Variants in SANBR observed in about 807,000 individuals in gnomAD.
SANBR encodes SANT and BTB domain regulator of class switch recombination.
A neutral mutation model predicts 101.8 loss-of-function variants in SANBR; 77 were observed. That is an observed-to-expected ratio of 0.76 (90% CI 0.63 to 0.91). The LOEUF is 0.91. Among genes scored for constraint, SANBR ranks in the 40% least tolerant of loss-of-function variants. SANBR has a pLI of 0.00. For synonymous variants in SANBR, 279 were observed against 274.7 expected (o/e 1.02, Z -0.15); for missense variants, 875 against 853.0 (o/e 1.03, Z -0.32).
Position 61,088,373 on chromosome 2 carries a change from G to C in SANBR, c.993G>C (p.Lys331Asn). ...AATLYRCCLC[K>N]KLLTKETERR... is the part of the protein sequence containing the mutation. ...TTGTTTATAGATGCTGTTTGTGTAA[G>C]AAACTTTTAACAAAAGAAACAGAAA... The change falls in exon 10 of 22, where the codon AAG (lysine) becomes AAC (asparagine). Residue 331 changes from lysine (K) to asparagine (N), a missense_variant. By Grantham distance (94) the Lys-to-Asn change is moderately conservative. Transcript: ENST00000402291. 1 of 1,592,148 alleles carries C rather than the reference G, an allele frequency of 6.3e-7. No individual in the cohort carries two copies. The highest frequency in any genetic ancestry group is 8.5e-7 in the Non-Finnish European group (1 of 1,170,876).
At chr2:61,121,036 A>G (rs1684310757) in intron 20 of SANBR, 149 bp from the exon 21 acceptor site, 4 of 569,208 alleles carry the variant, frequency 7.0e-6, no homozygotes, top group Non-Finnish European at 1.2e-5. Context: ...AAAATGGTAC[A>G]TTTTTCTTTA....
At chr2:61,117,215 A>G (rs1009916597) in intron 17 of SANBR, 142 bp from the exon 18 acceptor site, 14 of 758,586 alleles carry the variant, frequency 1.8e-5, no homozygotes, top group Non-Finnish European at 2.3e-5. Context: ...GGTTGGTGCA[A>G]GGTTTAAATG....
At position 61,122,315 on chromosome 2, in the gene SANBR, AGTTAG is replaced by A; in HGVS notation, c.*157_*161del. 2 of 1,235,100 alleles carry A rather than the reference AGTTAG, an allele frequency of 1.6e-6. No homozygotes were observed. Among genetic ancestry groups the A allele is most frequent in the Non-Finnish European group, 2.1e-6 (2 of 952,188 alleles). The allele number at this position is 1,235,100 out of a possible 1,614,324, so 76.5% of individuals were successfully genotyped here. ...AATCATAATTCTAAAAGAAATGCAT[AGTTAG>A]GTTTTATGAAAATCTAATTGTAAAT... is the stretch of plus-strand genomic sequence containing the variant. On this transcript the variant is annotated 3_prime_UTR_variant, in exon 22 of 22. Transcript: ENST00000402291.
rs77495029 is a variant in SANBR, at chr2:61,134,587, A to G, written c.*44+311A>G. Among the ~76,000 whole-genome samples, 366 of 152,282 alleles carry G rather than the reference A, an allele frequency of 2.4e-3. 8 individuals carry two copies. In the East Asian group the frequency reaches 0.027, roughly 11 times the overall value. Reference sequence around the variant, plus strand: ...TTTCTGTGACCAGCTCTTCTGCTCTATTAGAAATATTAGAAATATATTGTT... The same window carrying G: ...TTTCTGTGACCAGCTCTTCTGCTCTGTTAGAAATATTAGAAATATATTGTT... On this transcript the variant is annotated intron_variant, in intron 21 of 21. Transcript: ENST00000295031.
intron 7 of SANBR, among the ~76,000 whole-genome samples, chr2:61,081,997 CTT>C (rs1234191721): frequency 6.6e-6 from 1 of 151,984 alleles, no homozygotes; most frequent in African/African-American, 2.4e-5. Context: ...TTATTTGACT[CTT>C]TGGGGTTTGT....
chr2:61,100,926 A>G (rs1419686345), intron 12 of SANBR, among the ~76,000 whole-genome samples: 2 of 152,158 alleles, frequency 1.3e-5, no homozygotes, highest in Admixed American at 6.5e-5. Context: ...GAAGATGGGT[A>G]GTTGAGTTTA....
chr2:61,106,042 A>T (rs1034679593), intron 13 of SANBR, among the ~76,000 whole-genome samples: 1 of 152,140 alleles, frequency 6.6e-6, no homozygotes, highest in African/African-American at 2.4e-5. Flanking sequence ...CGTCAAGTAC[A>T]ATGGTGCTTG....
At chr2:61,102,163 A>G (rs1371789789) in intron 12 of SANBR, among the ~76,000 whole-genome samples, 1 of 151,818 alleles carries the variant, frequency 6.6e-6, no homozygotes, top group South Asian at 2.1e-4. Flanking sequence ...CATGAGGTCA[A>G]GAGATCGAGA....
intron 12 of SANBR, among the ~76,000 whole-genome samples, chr2:61,098,589 C>G (rs1354101829): frequency 6.6e-6 from 1 of 152,158 alleles, no homozygotes; most frequent in Non-Finnish European, 1.5e-5. Context: ...TAGGTGGTTT[C>G]TAGACTGATG....
chr2:61,078,489 T>G (rs1029751896), intron 6 of SANBR, among the ~76,000 whole-genome samples: 1 of 151,988 alleles, frequency 6.6e-6, no homozygotes, highest in Admixed American at 6.6e-5. Flanking sequence ...CGGTGCAATC[T>G]CAGCTCACTG....
At chr2:61,130,024 A>T (rs1684637667) in intron 20 of SANBR, among the ~76,000 whole-genome samples, 1 of 152,082 alleles carries the variant, frequency 6.6e-6, no homozygotes, top group East Asian at 1.9e-4. Context: ...ATCTCTTTGG[A>T]ATTTATTATA....
exon 22 of SANBR, chr2:61,137,537 G>A (rs1252723414): frequency 2.6e-5 from 4 of 152,268 alleles, no homozygotes; most frequent in Non-Finnish European, 2.9e-5. Context: ...GGTGATTTCA[G>A]AGTTGGAGCA....
chr2:61,134,404 G>C, intron 21 of SANBR: 1 of 877,216 alleles, frequency 1.1e-6, no homozygotes, highest in Non-Finnish European at 1.7e-6. Flanking sequence ...GTTGCCTTTT[G>C]TTTGCTGCCT....
chr2:61,093,714 G>T (rs1320090827), intron 11 of SANBR, among the ~76,000 whole-genome samples: 1 of 152,064 alleles, frequency 6.6e-6, no homozygotes, highest in Non-Finnish European at 1.5e-5. Flanking sequence ...TTTCTCTGTT[G>T]TTCTATACAC....
chr2:61,132,637 G>A (rs1684722380), intron 20 of SANBR, among the ~76,000 whole-genome samples: 1 of 152,108 alleles, frequency 6.6e-6, no homozygotes, highest in African/African-American at 2.4e-5. Flanking sequence ...AACATATAGA[G>A]TTACCATATG....
chr2:61,076,317 C>T (rs1396815681), intron 5 of SANBR, among the ~76,000 whole-genome samples: 1 of 148,640 alleles, frequency 6.7e-6, no homozygotes, highest in Admixed American at 6.7e-5. Context: ...TAATGTATAA[C>T]TTGAAAAATA....
chr2:61,067,899 C>A (rs949636332), intron 1 of SANBR, among the ~76,000 whole-genome samples: 1 of 152,190 alleles, frequency 6.6e-6, no homozygotes, highest in African/African-American at 2.4e-5. Context: ...ATTGATTAAT[C>A]CAGCAGGACA....
intron 11 of SANBR, among the ~76,000 whole-genome samples, chr2:61,094,484 G>T (rs981207586): frequency 2.6e-4 from 39 of 152,106 alleles, no homozygotes; most frequent in African/African-American, 9.2e-4. Flanking sequence ...GTAGTAGTCT[G>T]TTGTATGACT....
chr2:61,113,158 CTG>C (rs1383278762), intron 16 of SANBR, among the ~76,000 whole-genome samples: 1 of 152,210 alleles, frequency 6.6e-6, no homozygotes, highest in East Asian at 1.9e-4. Flanking sequence ...CATTTCCAAA[CTG>C]TGTTTTCTTC....
Sources: allele counts gnomAD v4.1 joint callset (sites outside exome capture counted in the v4.1 genomes callset), GRCh38; gene constraint gnomAD v4.1.1; transcripts MANE v1.5; gene names NCBI Gene and HGNC (gene_info 2026-07-23, HGNC 2026-07-21).